LGALS8: variants seen among roughly 807,000 people sequenced by gnomAD.
LGALS8 encodes the protein galectin 8, also known as galectin-8.
In LGALS8, 30 loss-of-function variants were observed where a neutral mutation model predicts 35.9. The observed-to-expected ratio is 0.83, with a 90% CI of 0.62 to 1.13. The LOEUF is 1.13. Among genes scored for constraint, LGALS8 ranks in the 50% most tolerant of loss-of-function variants. The pLI, the probability that LGALS8 is intolerant of heterozygous loss-of-function variation, is 0.00. For synonymous variants in LGALS8, 138 were observed against 136.1 expected (o/e 1.01, Z -0.10); for missense variants, 366 against 388.7 (o/e 0.94, Z 0.49).
chr1:236,528,088 G>A lies in LGALS8; in HGVS notation c.45+1973G>A, dbSNP rs555948291. Reference sequence around the variant, plus strand: ...AGTATATTTTATAAGCTAGACTTAGGAAAACGGTTTTCAGCTGGGCATGGT... The same window carrying A: ...AGTATATTTTATAAGCTAGACTTAGAAAAACGGTTTTCAGCTGGGCATGGT... On this transcript the variant is annotated intron_variant, in intron 2 of 9. Transcript: ENST00000366584. Among the ~76,000 whole-genome samples, 251 of 151,528 alleles carry A rather than the reference G, an allele frequency of 1.7e-3. 1 individual carries two copies. The highest frequency in any genetic ancestry group is 5.8e-3 in the African/African-American group (241 of 41,344).
At chr1:236,544,673 A>T in intron 8 of LGALS8, 77 bp from the exon 9 acceptor site, 2 of 1,121,396 alleles carry the variant, frequency 1.8e-6, no homozygotes, top group South Asian at 1.7e-5. Context: ...AAGTCTGGTC[A>T]CTAACATTGC....
chr1:236,540,495 A>G (rs993992545), intron 4 of LGALS8, 69 bp from the exon 5 acceptor site: 2 of 1,448,352 alleles, frequency 1.4e-6, no homozygotes, highest in South Asian at 1.5e-5. Flanking sequence ...TTAAATTTGG[A>G]TAATAAGTTA....
At chr1:236,540,473 G>A (rs1329469419) in intron 4 of LGALS8, 91 bp from the exon 5 acceptor site, 7 of 1,388,876 alleles carry the variant, frequency 5.0e-6, no homozygotes, top group Admixed American at 2.6e-5. Context: ...AAAACTGGAC[G>A]CAAGGAAACA....
At chr1:236,523,831 GT>G (rs1443247562), upstream of LGALS8, 1 of 346,042 alleles carries the variant, frequency 2.9e-6, no homozygotes, top group Non-Finnish European at 5.7e-6. Flanking sequence ...TCAGCGGCGG[GT>G]CCCTGTCCAA....
intron 1 of LGALS8, chr1:236,524,619 G>C (rs1660711755): frequency 2.8e-6 from 1 of 357,984 alleles, no homozygotes; most frequent in African/African-American, 2.1e-5. Flanking sequence ...AGTGATGGCT[G>C]CTTGTGATGC....
In LGALS8 at chr1:236,551,126, AAGC is replaced by A; in HGVS notation, c.*2968_*2970del. On this transcript the variant is annotated 3_prime_UTR_variant, in exon 10 of 10. Transcript: ENST00000366584. ...AAGAGTGAAATGAAGCACATTAACA[AAGC>A]AGGAGGCGCCACGGACCGCCTCCCT... 1.4e-6 allele frequency: 1 copy of A among 692,836 alleles called. No homozygotes were observed. Among genetic ancestry groups the A allele is most frequent in the Admixed American group, 3.2e-5 (1 of 31,150 alleles). 42.9% of individuals were successfully genotyped at this position (692,836 alleles called of 1,614,324 possible).
In LGALS8 at chr1:236,552,940, A is replaced by G. The variant is rs951415169; in HGVS notation, c.*4779A>G. ...ATCATAATAGTCTCATTGTTAGCAT[A>G]TCCTAATAAAGAATTTGAACTAATA... On this transcript the variant is annotated 3_prime_UTR_variant, in exon 10 of 10. Coordinates refer to ENST00000366584, the MANE Select transcript of LGALS8 (RefSeq NM_201544.4). 1 of 152,252 alleles carries G rather than the reference A, an allele frequency of 6.6e-6. No individual in the cohort carries two copies. The highest frequency in any genetic ancestry group is 6.5e-5 in the Admixed American group (1 of 15,286). 9.4% of individuals were successfully genotyped at this position (152,252 alleles called of 1,614,324 possible).
chr1:236,543,352 C>T (rs765802210), intron 7 of LGALS8: 19 of 685,858 alleles, frequency 2.8e-5, no homozygotes, highest in Admixed American at 1.0e-4. Flanking sequence ...CTCATTTCAT[C>T]GTCTAAAATG....
At chr1:236,539,860 C>T (rs2243418) in intron 4 of LGALS8, among the ~76,000 whole-genome samples, 106,112 of 151,966 alleles carry the variant, frequency 0.7, 37,267 homozygotes, top group Non-Finnish European at 0.72. Context: ...TTTGGCTTTA[C>T]GTGTTTATTT....
In LGALS8 at chr1:236,551,036, G is replaced by T. The variant is rs576350723; in HGVS notation, c.*2875G>T. The T allele has an allele frequency of 2.2e-6, 3 of 1,374,422 alleles. No homozygotes were observed. The African/African-American group carries it at 4.4e-5, about 20-fold the overall frequency. 85.1% of individuals were successfully genotyped at this position (1,374,422 alleles called of 1,614,324 possible). On this transcript the variant is annotated 3_prime_UTR_variant, in exon 10 of 10. Coordinates refer to ENST00000366584, the MANE Select transcript of LGALS8 (RefSeq NM_201544.4). ...TCAAAATTAAAATCTGAGTCAGTCC[G>T]CCTGCCTCGGTTCTCATTAGTTTAA... is the stretch of plus-strand genomic sequence containing the variant.
chr1:236,530,979 G>T (rs1400020800), intron 2 of LGALS8, among the ~76,000 whole-genome samples: 1 of 152,150 alleles, frequency 6.6e-6, no homozygotes, highest in Non-Finnish European at 1.5e-5. Flanking sequence ...AAGTGTGTGT[G>T]TTGTGTATAT....
intron 2 of LGALS8, chr1:236,536,054 G>A (rs16833777): frequency 0.087 from 13,322 of 152,310 alleles, 961 homozygotes; most frequent in African/African-American, 0.19. Context: ...AATCCAAAGT[G>A]CTATCATGAA....
chr1:236,549,827 A>T lies in LGALS8; in HGVS notation c.*1666A>T, dbSNP rs1180662231. On this transcript the variant is annotated 3_prime_UTR_variant, in exon 10 of 10. Coordinates refer to ENST00000366584, the MANE Select transcript of LGALS8 (RefSeq NM_201544.4). The stretch of plus-strand genomic sequence containing the variant: ...CATTTTCATTTTACGTGGAGGAAAA[A>T]AATTTAAAAAGCTATTAGTATTTAT... 5 of 152,216 alleles carry T rather than the reference A, an allele frequency of 3.3e-5. No homozygotes were observed. The highest frequency in any genetic ancestry group is 1.2e-4 in the African/African-American group (5 of 41,448). 9.4% of individuals were successfully genotyped at this position (152,216 alleles called of 1,614,324 possible). A position where few individuals can be genotyped will look rare whatever the true frequency, so the allele number is the denominator to read the frequency against.
intron 9 of LGALS8, among the ~76,000 whole-genome samples, 168 bp from the exon 10 acceptor site, chr1:236,547,844 G>A (rs1328693872): frequency 6.9e-6 from 1 of 145,200 alleles, no homozygotes; most frequent in Non-Finnish European, 1.5e-5. Flanking sequence ...CACCACCAGG[G>A]ACACTTTAGT....
At chr1:236,529,595 G>GA (rs546640891) in intron 2 of LGALS8, among the ~76,000 whole-genome samples, 4 of 128,966 alleles carry the variant, frequency 3.1e-5, no homozygotes, top group South Asian at 2.6e-4. Flanking sequence ...AAAAAAAAAA[G>GA]AAAAAAAAAG....
chr1:236,534,604 T>TAA (rs543091311), intron 2 of LGALS8, among the ~76,000 whole-genome samples: 23 of 142,688 alleles, frequency 1.6e-4, no homozygotes, highest in South Asian at 4.5e-4. Context: ...GTCTCATAGT[T>TAA]AAAAAAAAAA....
At chr1:236,530,932 G>A (rs819414) in intron 2 of LGALS8, among the ~76,000 whole-genome samples, 43,362 of 152,026 alleles carry the variant, frequency 0.29, 6,449 homozygotes, top group South Asian at 0.47. Flanking sequence ...CTGGTTTTTA[G>A]AAATATATCC....
chr1:236,529,771 C>T (rs539355966), intron 2 of LGALS8, among the ~76,000 whole-genome samples: 134 of 151,420 alleles, frequency 8.8e-4, no homozygotes, highest in African/African-American at 2.9e-3. Context: ...GCCTCAGCCT[C>T]CCGAGTAGCT....
At position 236,551,128 on chromosome 1, in the gene LGALS8, G is replaced by T; in HGVS notation, c.*2967G>T. 1 of 677,360 alleles carries T rather than the reference G, an allele frequency of 1.5e-6. No homozygotes were observed. Among genetic ancestry groups the T allele is most frequent in the Non-Finnish European group, 2.4e-6 (1 of 418,554 alleles). 42.0% of individuals were successfully genotyped at this position (677,360 alleles called of 1,614,324 possible). On this transcript the variant is annotated 3_prime_UTR_variant, in exon 10 of 10. Coordinates refer to ENST00000366584, the MANE Select transcript of LGALS8 (RefSeq NM_201544.4). ...GAGTGAAATGAAGCACATTAACAAA[G>T]CAGGAGGCGCCACGGACCGCCTCCC...
Sources: allele counts gnomAD v4.1 joint callset (sites outside exome capture counted in the v4.1 genomes callset), GRCh38; gene constraint gnomAD v4.1.1; transcripts MANE v1.5; gene names NCBI Gene and HGNC (gene_info 2026-07-23, HGNC 2026-07-21).